The following NRCAM variants were observed in gnomAD, a reference collection of about 807,000 sequenced individuals.
NRCAM encodes NgCAM-related cell adhesion molecule.
Under a neutral mutation model 156.5 loss-of-function variants are expected in NRCAM, and 83 were observed. The observed-to-expected ratio is 0.53, with a 90% CI of 0.44 to 0.64. NRCAM has a LOEUF of 0.64. Among genes scored for constraint, NRCAM ranks in the 30% least tolerant of loss-of-function variants. The pLI is 0.00. For synonymous variants in NRCAM, 538 were observed against 563.9 expected, an observed-to-expected ratio of 0.95 and a Z score of 0.65; for missense variants, 1,417 against 1,597.3, an observed-to-expected ratio of 0.89 and a Z score of 1.92.
chr7:108,209,736 T>C, intron 11 of NRCAM, 131 bp from the exon 12 acceptor site: 1 of 657,164 alleles, frequency 1.5e-6, no homozygotes. Flanking sequence ...GATATTTTAA[T>C]TAGCACCACA....
intron 6 of NRCAM, among the ~76,000 whole-genome samples, chr7:108,232,999 G>A (rs2094505126): frequency 1.3e-5 from 2 of 152,180 alleles, no homozygotes; most frequent in Non-Finnish European, 1.5e-5. Context: ...ATTGTGAAGT[G>A]TAGGTTGGGA....
intron 3 of NRCAM, among the ~76,000 whole-genome samples, chr7:108,298,023 CAG>C (rs2098485522): frequency 6.6e-6 from 1 of 152,128 alleles, no homozygotes; most frequent in South Asian, 2.1e-4. Flanking sequence ...CCACCTGCAG[CAG>C]AGTCAGGACA....
chr7:108,212,457 C>A (rs1179351673), intron 11 of NRCAM, among the ~76,000 whole-genome samples: 1 of 151,914 alleles, frequency 6.6e-6, no homozygotes, highest in African/African-American at 2.4e-5. Context: ...CAGAGAGGCA[C>A]CAGAGAAAGG....
intron 3 of NRCAM, among the ~76,000 whole-genome samples, chr7:108,262,861 A>T (rs1049022023): frequency 6.6e-6 from 1 of 152,198 alleles, no homozygotes; most frequent in Non-Finnish European, 1.5e-5. Context: ...TTCACCACGA[A>T]GCCTTTTGGC....
At chr7:108,159,437 T>C in intron 32 of NRCAM, 26 bp downstream of exon 32, 1 of 1,591,364 alleles carries the variant, frequency 6.3e-7, no homozygotes, top group South Asian at 1.1e-5. Context: ...GCAGAGAAGA[T>C]GAAGAGCAGA....
In NRCAM at chr7:108,183,543, T is replaced by G. The variant is rs547146729; in HGVS notation, c.2305-623A>C. ...TGCATGTCTTCCAGGTGGCTCTTTT[T>G]TTTTCTTTTTGGAGATGGAATCTTG... On this transcript the variant is annotated intron_variant, in intron 22 of 32. Coordinates refer to ENST00000379028, the MANE Select transcript of NRCAM (RefSeq NM_001037132.4). Among the ~76,000 whole-genome samples the G allele has an allele frequency of 5.9e-5, 9 of 152,010 alleles. No homozygotes were observed. The South Asian group carries it at 1.9e-3, about 32-fold the overall frequency.
intron 2 of NRCAM, among the ~76,000 whole-genome samples, chr7:108,349,111 A>T (rs560361953): frequency 7.9e-5 from 12 of 152,128 alleles, no homozygotes; most frequent in Non-Finnish European, 1.6e-4. Flanking sequence ...TGAGTAATAG[A>T]GTGTGACTAC....
chr7:108,436,262 A>G (rs1003268795), intron 1 of NRCAM, among the ~76,000 whole-genome samples: 21 of 152,254 alleles, frequency 1.4e-4, no homozygotes, highest in Non-Finnish European at 2.2e-4. Flanking sequence ...CAGACCAACC[A>G]GTTGCAAAGT....
At position 108,176,459 on chromosome 7, in the gene NRCAM, G is replaced by A. The variant is rs766337010; in HGVS notation, c.3122C>T (p.Thr1041Ile). Residue 1041 changes from threonine (T) to isoleucine (I), a missense_variant, in exon 27 of 33, where the codon ACA becomes ATA. Physicochemically the swap from Thr to Ile is moderately conservative, Grantham distance 89. Coordinates refer to ENST00000379028, the MANE Select transcript of NRCAM (RefSeq NM_001037132.4). ...QTSAGSGSQI[T>I]EEAVTTVDEA... ...ATCCACAGTTGTTACTGCTTCCTCT[G>A]TAATTTGACTTCCTGATCCTGCTGA... The A allele has an allele frequency of 1.9e-6, 3 of 1,613,332 alleles. No homozygotes were observed. Among genetic ancestry groups the A allele is most frequent in the South Asian group, 1.1e-5 (1 of 91,038 alleles).
intron 3 of NRCAM, among the ~76,000 whole-genome samples, chr7:108,279,006 A>G (rs1319420803): frequency 6.6e-6 from 1 of 152,208 alleles, no homozygotes; most frequent in Non-Finnish European, 1.5e-5. Flanking sequence ...GTGTCTTGTC[A>G]AGGCCCATAT....
chr7:108,220,464 T>TATAAAA (rs1455712029), intron 11 of NRCAM, among the ~76,000 whole-genome samples: 19 of 152,246 alleles, frequency 1.2e-4, no homozygotes, highest in Admixed American at 2.6e-4. Flanking sequence ...AAGGCCATGG[T>TATAAAA]CACCAAAACA....
At chr7:108,440,434 A>T (rs1348105083) in intron 1 of NRCAM, among the ~76,000 whole-genome samples, 1 of 152,178 alleles carries the variant, frequency 6.6e-6, no homozygotes, top group Non-Finnish European at 1.5e-5. Context: ...AACAGAAAAA[A>T]AGTTTTCTAC....
chr7:108,282,889 T>A (rs1209736758), intron 3 of NRCAM, among the ~76,000 whole-genome samples: 4 of 152,238 alleles, frequency 2.6e-5, no homozygotes, highest in Non-Finnish European at 5.9e-5. Flanking sequence ...CTGGGGAGAT[T>A]TGAAGACTCC....
At chr7:108,372,728 C>G (rs1247753144) in intron 2 of NRCAM, among the ~76,000 whole-genome samples, 1 of 152,048 alleles carries the variant, frequency 6.6e-6, no homozygotes, top group African/African-American at 2.4e-5. Context: ...CGTGGAGAAA[C>G]TGGAACCATT....
chr7:108,410,573 C>T (rs1794156375), intron 1 of NRCAM, among the ~76,000 whole-genome samples: 1 of 152,168 alleles, frequency 6.6e-6, no homozygotes, highest in Non-Finnish European at 1.5e-5. Flanking sequence ...GGGCCTTGAT[C>T]AATTTTTAAA....
intron 20 of NRCAM, among the ~76,000 whole-genome samples, chr7:108,187,335 T>C (rs2067537625): frequency 6.6e-6 from 1 of 152,184 alleles, no homozygotes; most frequent in African/African-American, 2.4e-5. Flanking sequence ...TTCATTTCAC[T>C]GCAGCCACAC....
At chr7:108,230,274 A>T (rs909631525) in intron 8 of NRCAM, among the ~76,000 whole-genome samples, 26 of 150,882 alleles carry the variant, frequency 1.7e-4, no homozygotes, top group Admixed American at 6.6e-5. Flanking sequence ...CTCAAAATAT[A>T]TCCAGAATCT....
intron 3 of NRCAM, among the ~76,000 whole-genome samples, chr7:108,299,822 GGTGGTGAA>G (rs1209297751): frequency 6.6e-6 from 1 of 152,172 alleles, no homozygotes; most frequent in African/African-American, 2.4e-5. Flanking sequence ...GCAGCGATGT[GGTGGTGAA>G]GTACATGAAC....
intron 1 of NRCAM, among the ~76,000 whole-genome samples, chr7:108,424,813 C>T (rs956242698): frequency 3.0e-5 from 4 of 132,968 alleles, no homozygotes; most frequent in Non-Finnish European, 5.1e-5. Context: ...ATGACTATAG[C>T]TCTATGAGTC....
Sources: allele counts gnomAD v4.1 joint callset (sites outside exome capture counted in the v4.1 genomes callset), GRCh38; gene constraint gnomAD v4.1.1; transcripts MANE v1.5; gene names NCBI Gene and HGNC (gene_info 2026-07-23, HGNC 2026-07-21).